Variants in PTGER3 observed in about 807,000 individuals in gnomAD.
The protein encoded by PTGER3 is prostaglandin E receptor 3.
PTGER3 carries 22 observed loss-of-function variants against 34.7 expected under a neutral mutation model. The ratio of observed to expected loss-of-function variants is 0.63; its 90% CI spans 0.45 to 0.91. The LOEUF is 0.91. PTGER3 is among the 40% of genes least tolerant of loss of function. The probability of loss-of-function intolerance (pLI) is 0.00; values close to 1 mark genes in which losing one functional copy is unlikely to be tolerated. For synonymous variants in PTGER3, 241 were observed against 230.1 expected (o/e 1.05, Z -0.43); for missense variants, 468 against 519.4 (o/e 0.90, Z 0.96).
chr1:71,020,595 A>C (rs190619631), intron 1 of PTGER3, among the ~76,000 whole-genome samples: 9 of 152,164 alleles, frequency 5.9e-5, no homozygotes, highest in African/African-American at 1.9e-4. Context: ...TTCAAAAAAA[A>C]ACTCCAAGGG....
intron 1 of PTGER3, among the ~76,000 whole-genome samples, chr1:71,017,724 A>ACCACCT (rs1658035398): frequency 6.6e-6 from 1 of 152,114 alleles, no homozygotes; most frequent in African/African-American, 2.4e-5. Flanking sequence ...CACCATGATC[A>ACCACCT]CAAGTTTCTT....
At chr1:71,044,202 C>T (rs370952931) in intron 1 of PTGER3, among the ~76,000 whole-genome samples, 4 of 151,134 alleles carry the variant, frequency 2.6e-5, no homozygotes, top group Non-Finnish European at 4.4e-5. Context: ...TTTGGGTGGC[C>T]GAGGTGGGCG....
In PTGER3 at chr1:71,047,515, G is replaced by A. The variant is rs1660968741; in HGVS notation, c.63C>T (p.Tyr21=). The change falls in exon 1 of 4, where the codon TAC becomes TAT. Residue 21 remains tyrosine, a synonymous_variant. Coordinates refer to ENST00000306666, the MANE Select transcript of PTGER3 (RefSeq NM_198719.2). ...APFCTRLNHS[Y]TGMWAPERSA... is the part of the protein sequence containing the mutation. ...AACGCTCGGGCGCCCACATGCCTGTGTAGGAGTGGTTGAGGCGGGTGCAGA... is the reference window on the plus strand; with the variant it reads ...AACGCTCGGGCGCCCACATGCCTGTATAGGAGTGGTTGAGGCGGGTGCAGA... 1.2e-6 allele frequency: 2 copies of A among 1,600,144 alleles called. No homozygotes were observed. Among genetic ancestry groups the A allele is most frequent in the Admixed American group, 3.5e-5 (2 of 57,664 alleles).
intron 4 of PTGER3, among the ~76,000 whole-genome samples, chr1:70,928,761 T>C (rs1158339487): frequency 1.3e-5 from 2 of 152,150 alleles, no homozygotes; most frequent in Non-Finnish European, 2.9e-5. Flanking sequence ...TTGCTACAAT[T>C]AGCATTCATT....
At chr1:70,907,206 T>C (rs1165945653) in intron 4 of PTGER3, among the ~76,000 whole-genome samples, 3 of 152,222 alleles carry the variant, frequency 2.0e-5, no homozygotes, top group Admixed American at 2.0e-4. Flanking sequence ...ACCTCTACAT[T>C]GCAAGGCATT....
chr1:70,870,239 G>C (rs1451210708), intron 4 of PTGER3, among the ~76,000 whole-genome samples: 2 of 152,226 alleles, frequency 1.3e-5, no homozygotes, highest in Non-Finnish European at 2.9e-5. Context: ...GCCATGGCTA[G>C]TGCTGGAGCA....
intron 4 of PTGER3, among the ~76,000 whole-genome samples, chr1:70,863,195 C>T (rs1205235137): frequency 4.0e-5 from 6 of 151,856 alleles, no homozygotes; most frequent in Non-Finnish European, 7.4e-5. Flanking sequence ...GGAACAAATG[C>T]TCTCCCATGT....
At chr1:71,038,681 A>G (rs1372435087) in intron 1 of PTGER3, among the ~76,000 whole-genome samples, 1 of 152,238 alleles carries the variant, frequency 6.6e-6, no homozygotes, top group Non-Finnish European at 1.5e-5. Flanking sequence ...GGATAGAAAA[A>G]TAACACATTG....
intron 1 of PTGER3, among the ~76,000 whole-genome samples, chr1:71,020,584 C>A (rs372261520): frequency 6.6e-6 from 1 of 151,180 alleles, no homozygotes; most frequent in East Asian, 1.9e-4. Context: ...CAAAATTCCT[C>A]TTCAAAAAAA....
chr1:70,888,467 A>G (rs1452575800), intron 4 of PTGER3, among the ~76,000 whole-genome samples: 1 of 152,190 alleles, frequency 6.6e-6, no homozygotes, highest in East Asian at 1.9e-4. Context: ...CATTCAAGCA[A>G]ATTAATGTAT....
intron 4 of PTGER3, among the ~76,000 whole-genome samples, chr1:70,901,976 C>A (rs189236242): frequency 3.5e-4 from 53 of 152,208 alleles, no homozygotes; most frequent in East Asian, 1.9e-3. Flanking sequence ...CTTCTCTGTA[C>A]CTTCGCCTAC....
At chr1:70,911,244 T>C (rs1647054893) in intron 4 of PTGER3, among the ~76,000 whole-genome samples, 1 of 150,710 alleles carries the variant, frequency 6.6e-6, no homozygotes, top group Non-Finnish European at 1.5e-5. Flanking sequence ...CATACTAGAT[T>C]GGAGACCCTT....
downstream of PTGER3, among the ~76,000 whole-genome samples, chr1:70,967,619 AG>A (rs1652663879): frequency 6.6e-6 from 1 of 152,184 alleles, no homozygotes; most frequent in African/African-American, 2.4e-5. Flanking sequence ...ACACTTCTGT[AG>A]TCATAACTAA....
At chr1:70,980,117 A>G (rs1362239866) in intron 2 of PTGER3, among the ~76,000 whole-genome samples, 1 of 152,150 alleles carries the variant, frequency 6.6e-6, no homozygotes, top group Non-Finnish European at 1.5e-5. Flanking sequence ...GAAGTCTTGA[A>G]CAAAGACAGG....
chr1:70,881,814 C>T (rs1013388909), intron 4 of PTGER3, among the ~76,000 whole-genome samples: 1 of 152,096 alleles, frequency 6.6e-6, no homozygotes, highest in Non-Finnish European at 1.5e-5. Context: ...CTGGGTTGGC[C>T]CTAATATGTT....
In PTGER3 at chr1:70,971,410, T is replaced by C; in HGVS notation, c.*320A>G. 9.3e-7 allele frequency: 1 copy of C among 1,070,032 alleles called. No homozygotes were observed. The highest frequency in any genetic ancestry group is 1.1e-6 in the Non-Finnish European group (1 of 885,374). The allele number at this position is 1,070,032 out of a possible 1,614,324, so 66.3% of individuals were successfully genotyped here. ...TTTGGTTAAGATTCACGTAAAGGTT[T>C]GAAGTTGGAGAAAACTCCTGGAACA... On this transcript the variant is annotated 3_prime_UTR_variant, in exon 4 of 4. Coordinates refer to ENST00000306666, the MANE Select transcript of PTGER3 (RefSeq NM_198719.2).
intron 4 of PTGER3, among the ~76,000 whole-genome samples, chr1:70,908,454 G>T (rs1646995429): frequency 6.6e-6 from 1 of 152,134 alleles, no homozygotes; most frequent in Non-Finnish European, 1.5e-5. Flanking sequence ...GGATAACTCT[G>T]ATGCTTGCAT....
chr1:70,885,417 A>G (rs1012769213), intron 4 of PTGER3, among the ~76,000 whole-genome samples: 1 of 152,244 alleles, frequency 6.6e-6, no homozygotes, highest in East Asian at 1.9e-4. Context: ...TACAAAGAAT[A>G]TAATATACCA....
chr1:70,966,990 T>C (rs1232617208), downstream of PTGER3, among the ~76,000 whole-genome samples: 1 of 152,120 alleles, frequency 6.6e-6, no homozygotes, highest in African/African-American at 2.4e-5. Context: ...GGTCAAATGG[T>C]ATTTCTGGTT....
Sources: gnomAD v4.1 joint callset for allele counts (sites outside exome capture counted in the v4.1 genomes callset) on GRCh38, gnomAD v4.1.1 for gene constraint, MANE v1.5 for transcripts, NCBI Gene and HGNC (gene_info 2026-07-23, HGNC 2026-07-21) for gene names.